Variants in SOAT1 observed in about 807,000 individuals in gnomAD.
The protein encoded by SOAT1 is sterol O-acyltransferase 1, also known as acyl-coenzyme A:cholesterol acyltransferase 1.
A neutral mutation model predicts 69.5 loss-of-function variants in SOAT1; 55 were observed. The observed-to-expected ratio is 0.79, with a 90% confidence interval of 0.64 to 0.99. SOAT1 has a LOEUF of 0.99. Among genes scored for constraint, SOAT1 ranks in the 50% least tolerant of loss-of-function variants. The pLI, the probability that SOAT1 is intolerant of heterozygous loss-of-function variation, is 0.00. For missense variants in SOAT1, 580 were observed against 669.3 expected (o/e 0.87, Z 1.47); for synonymous variants, 231 against 224.7 (o/e 1.03, Z -0.25).
intron 2 of SOAT1, among the ~76,000 whole-genome samples, chr1:179,311,464 T>G (rs1227672630): frequency 6.6e-6 from 1 of 152,196 alleles, no homozygotes; most frequent in Non-Finnish European, 1.5e-5. Context: ...TGGAAACTAT[T>G]GGCTAGCAAG....
chr1:179,343,703 T>TA, intron 10 of SOAT1, 68 bp downstream of exon 10: 1 of 1,125,502 alleles, frequency 8.9e-7, no homozygotes, highest in Non-Finnish European at 1.3e-6. Flanking sequence ...GATAATAATA[T>TA]AATCTAGTTA....
intron 2 of SOAT1, among the ~76,000 whole-genome samples, chr1:179,317,830 G>T (rs1356661930): frequency 6.6e-6 from 1 of 151,924 alleles, no homozygotes; most frequent in Admixed American, 6.6e-5. Flanking sequence ...ATAGAATAAA[G>T]ATATTTAGTA....
intron 1 of SOAT1, among the ~76,000 whole-genome samples, 171 bp downstream of exon 1, chr1:179,294,107 C>A (rs1406077902): frequency 7.0e-6 from 1 of 143,272 alleles, no homozygotes; most frequent in Non-Finnish European, 1.5e-5. Flanking sequence ...GAGGGGAGGG[C>A]GGGAAAGTTA....
At chr1:179,337,742 A>T in intron 4 of SOAT1, 95 bp from the exon 5 acceptor site, 1 of 811,004 alleles carries the variant, frequency 1.2e-6, no homozygotes, top group Non-Finnish European at 1.9e-6. Context: ...AATTAATGTT[A>T]GATGGTGTTA....
chr1:179,299,273 G>A (rs1664753573), intron 1 of SOAT1, among the ~76,000 whole-genome samples: 2 of 152,100 alleles, frequency 1.3e-5, no homozygotes, highest in Admixed American at 6.5e-5. Flanking sequence ...ATTTGATTTG[G>A]GACAAGTTAA....
intron 15 of SOAT1, among the ~76,000 whole-genome samples, chr1:179,351,904 G>A (rs1260728607): frequency 6.6e-6 from 1 of 151,588 alleles, no homozygotes; most frequent in East Asian, 1.9e-4. Flanking sequence ...ATTTTTAGTA[G>A]AGATGGGGTT....
intron 3 of SOAT1, among the ~76,000 whole-genome samples, chr1:179,327,859 G>A (rs187783235): frequency 6.6e-6 from 1 of 152,272 alleles, no homozygotes; most frequent in Non-Finnish European, 1.5e-5. Flanking sequence ...GGTTTGAACT[G>A]ACTGAATCTC....
rs762911049 is a variant in SOAT1 at position 179,344,352 on chromosome 1, G to GTTT, written c.988-595_988-594insTTT. 5.7e-3 allele frequency among the ~76,000 whole-genome samples: 693 copies of GTTT among 120,536 alleles called. 313 individuals carry two copies. Among genetic ancestry groups the GTTT allele is most frequent in the South Asian group, 0.016 (55 of 3,500 alleles). 79.1% of individuals were successfully genotyped at this position (120,536 alleles called of 152,430 possible). Reference sequence around the variant, plus strand: ...TATGAAGTAAGTTCTTTCATTAAGGGGTTTTTTTTTTTTTTTTTTTTTTTT... The same window carrying GTTT: ...TATGAAGTAAGTTCTTTCATTAAGGGTTTGTTTTTTTTTTTTTTTTTTTTTTTT... On this transcript the variant is annotated intron_variant, in intron 10 of 15. Coordinates refer to ENST00000367619, the MANE Select transcript of SOAT1 (RefSeq NM_003101.6).
chr1:179,317,315 C>T (rs776118062), intron 2 of SOAT1, among the ~76,000 whole-genome samples: 4 of 152,094 alleles, frequency 2.6e-5, no homozygotes, highest in East Asian at 1.9e-4. Flanking sequence ...GGGCGGATCA[C>T]GAGGTCAGGA....
intron 1 of SOAT1, among the ~76,000 whole-genome samples, chr1:179,300,096 A>G (rs941200352): frequency 3.3e-5 from 5 of 150,860 alleles, no homozygotes; most frequent in South Asian, 2.1e-4. Flanking sequence ...AACTTTTGCT[A>G]TATGCTCTTT....
chr1:179,345,969 T>C (rs1024592501), intron 11 of SOAT1, among the ~76,000 whole-genome samples: 2 of 152,212 alleles, frequency 1.3e-5, no homozygotes, highest in African/African-American at 2.4e-5. Flanking sequence ...CTATGCCAGG[T>C]GCAGAGGACT....
chr1:179,339,891 C>T (rs1238234292), intron 6 of SOAT1, among the ~76,000 whole-genome samples: 1 of 152,178 alleles, frequency 6.6e-6, no homozygotes, highest in African/African-American at 2.4e-5. Context: ...GTTTAGCACT[C>T]TGTATCCATG....
intron 2 of SOAT1, among the ~76,000 whole-genome samples, chr1:179,306,648 C>T (rs188799123): frequency 8.6e-5 from 13 of 151,916 alleles, no homozygotes; most frequent in Admixed American, 1.3e-4. Flanking sequence ...CTGGCTAACA[C>T]GGTGAAACCC....
chr1:179,323,531 A>G (rs765793540), intron 3 of SOAT1, 36 bp downstream of exon 3: 1 of 1,552,332 alleles, frequency 6.4e-7, no homozygotes, highest in South Asian at 1.1e-5. Flanking sequence ...AAAAATGTAG[A>G]GTTTTAGATA....
intron 2 of SOAT1, among the ~76,000 whole-genome samples, chr1:179,317,107 A>G (rs1665421132): frequency 6.6e-6 from 1 of 152,194 alleles, no homozygotes; most frequent in South Asian, 2.1e-4. Flanking sequence ...TATGCCTCCA[A>G]AGTTCATTTT....
intron 2 of SOAT1, among the ~76,000 whole-genome samples, chr1:179,321,029 C>T (rs1665581160): frequency 6.6e-6 from 1 of 152,050 alleles, no homozygotes. Context: ...GCCTTGGACT[C>T]CCAAGTAGCT....
At chr1:179,351,235 G>T in intron 14 of SOAT1, 82 bp from the exon 15 acceptor site, 1 of 1,177,572 alleles carries the variant, frequency 8.5e-7, no homozygotes, top group Middle Eastern at 2.2e-4. Context: ...ATAGAGATGG[G>T]GTTTCACCAT....
At chr1:179,304,868 G>A (rs1664951999) in intron 2 of SOAT1, among the ~76,000 whole-genome samples, 2 of 151,900 alleles carry the variant, frequency 1.3e-5, no homozygotes, top group Non-Finnish European at 1.5e-5. Flanking sequence ...GGCTGGTCTT[G>A]AACTCTGGCA....
intron 2 of SOAT1, among the ~76,000 whole-genome samples, chr1:179,309,874 T>G (rs961384029): frequency 1.1e-4 from 17 of 148,708 alleles, no homozygotes; most frequent in African/African-American, 3.4e-4. Context: ...ATAATTTTTT[T>G]TTTGTTTGTT....
Sources: allele counts gnomAD v4.1 joint callset (sites outside exome capture counted in the v4.1 genomes callset), GRCh38; gene constraint gnomAD v4.1.1; transcripts MANE v1.5; gene names NCBI Gene and HGNC (gene_info 2026-07-23, HGNC 2026-07-21).